The following PDE1C variants were observed in gnomAD, a reference collection of about 807,000 sequenced individuals.
PDE1C encodes the protein phosphodiesterase 1C, also known as dual specificity calcium/calmodulin-dependent 3',5'-cyclic nucleotide phosphodiesterase 1C.
In PDE1C, 62 loss-of-function variants were observed where a neutral mutation model predicts 93.1. That is an observed-to-expected ratio of 0.67 (90% CI 0.54 to 0.82). PDE1C has a LOEUF of 0.82. Among genes scored for constraint, PDE1C ranks in the 40% least tolerant of loss-of-function variants. PDE1C has a pLI of 0.00. For synonymous variants in PDE1C, 325 were observed against 310.1 expected, an observed-to-expected ratio of 1.05 and a Z score of -0.50; for missense variants, 742 against 884.6, an observed-to-expected ratio of 0.84 and a Z score of 2.04.
At chr7:31,681,639 T>G in the PDE1C span, among the ~76,000 whole-genome samples, 146 of 152,266 alleles carry the variant, frequency 9.6e-4, 1 homozygote, top group African/African-American at 3.4e-3. Flanking sequence ...TATGAGCTCT[T>G]AAAAGATCCA....
chr7:31,787,464 G>A (rs1784120750), intron 16 of PDE1C: 1 of 152,160 alleles, frequency 6.6e-6, no homozygotes, highest in African/African-American at 2.4e-5. Context: ...CGATAAGAAT[G>A]GGTCATTATG....
chr7:32,233,795 T>C (rs1448386818), intron 1 of PDE1C, among the ~76,000 whole-genome samples: 1 of 152,086 alleles, frequency 6.6e-6, no homozygotes, highest in African/African-American at 2.4e-5. Context: ...ATTAGCAAGA[T>C]GTAGAACTCA....
chr7:31,894,294 T>C (rs1799001828), intron 2 of PDE1C, among the ~76,000 whole-genome samples: 1 of 152,138 alleles, frequency 6.6e-6, no homozygotes, highest in Admixed American at 6.5e-5. Flanking sequence ...TGCTCTGGGG[T>C]CACAGGAGAG....
chr7:32,190,246 A>G (rs1804144920), intron 2 of PDE1C, among the ~76,000 whole-genome samples: 1 of 152,220 alleles, frequency 6.6e-6, no homozygotes, highest in Non-Finnish European at 1.5e-5. Context: ...GGAGTTGTTC[A>G]TAGCTTAGTC....
At chr7:32,184,187 T>G (rs1241449009) in intron 2 of PDE1C, among the ~76,000 whole-genome samples, 1 of 152,188 alleles carries the variant, frequency 6.6e-6, no homozygotes, top group Non-Finnish European at 1.5e-5. Flanking sequence ...GGAACACTTT[T>G]ACACTGTTGG....
chr7:31,767,063 T>C (rs997633974), intron 17 of PDE1C, among the ~76,000 whole-genome samples: 3 of 152,254 alleles, frequency 2.0e-5, no homozygotes, highest in African/African-American at 7.2e-5. Flanking sequence ...TCTCTATATT[T>C]TAAAAGCAAG....
the PDE1C span, among the ~76,000 whole-genome samples, chr7:31,632,889 CATTT>C: frequency 6.6e-6 from 1 of 151,484 alleles, no homozygotes; most frequent in Non-Finnish European, 1.5e-5. Flanking sequence ...TTTATTCATT[CATTT>C]ATTTATTTAT....
At chr7:31,886,202 C>T (rs919011384) in intron 2 of PDE1C, among the ~76,000 whole-genome samples, 7 of 152,210 alleles carry the variant, frequency 4.6e-5, no homozygotes, top group African/African-American at 1.2e-4. Context: ...TGTATTCGAA[C>T]AGCATACTCA....
chr7:31,814,472 T>C (rs1035238229), intron 15 of PDE1C, among the ~76,000 whole-genome samples: 8 of 152,110 alleles, frequency 5.3e-5, no homozygotes, highest in African/African-American at 1.9e-4. Flanking sequence ...TGGAATATGA[T>C]ATAAGCTATC....
chr7:32,374,483 A>G (rs1044391677), intron 1 of PDE1C, among the ~76,000 whole-genome samples: 9 of 152,248 alleles, frequency 5.9e-5, no homozygotes, highest in African/African-American at 2.2e-4. Flanking sequence ...AAGAAGTTCA[A>G]CTACTCTGAG....
At chr7:32,121,035 A>G (rs759991758) in intron 3 of PDE1C, among the ~76,000 whole-genome samples, 1 of 152,220 alleles carries the variant, frequency 6.6e-6, no homozygotes. Flanking sequence ...GAAGAACATA[A>G]GTGACTTGAT....
intron 2 of PDE1C, among the ~76,000 whole-genome samples, chr7:31,978,072 G>A (rs1407809943): frequency 6.6e-6 from 1 of 152,148 alleles, no homozygotes; most frequent in African/African-American, 2.4e-5. Flanking sequence ...CATTCGCAGA[G>A]CCAGGGTTCA....
At chr7:32,225,762 A>G (rs543526581) in intron 1 of PDE1C, among the ~76,000 whole-genome samples, 1 of 152,296 alleles carries the variant, frequency 6.6e-6, no homozygotes, top group South Asian at 2.1e-4. Context: ...AAGCTGTGTT[A>G]TGAAAGTTGC....
intron 3 of PDE1C, among the ~76,000 whole-genome samples, chr7:32,130,948 T>G (rs1390366383): frequency 6.6e-6 from 1 of 152,110 alleles, no homozygotes; most frequent in Non-Finnish European, 1.5e-5. Context: ...TACTAACTTT[T>G]ACTGGGCATT....
At chr7:32,236,120 T>C (rs1213570564) in intron 1 of PDE1C, among the ~76,000 whole-genome samples, 2 of 152,212 alleles carry the variant, frequency 1.3e-5, no homozygotes, top group Admixed American at 6.5e-5. Flanking sequence ...CTAGACCTCA[T>C]ACATTATAAA....
chr7:31,630,129 A>G, the PDE1C span, among the ~76,000 whole-genome samples: 1 of 151,148 alleles, frequency 6.6e-6, no homozygotes, highest in South Asian at 2.1e-4. Flanking sequence ...GGTGTTTGAA[A>G]TATGTTTGAA....
chr7:31,707,348 A>C, the PDE1C span: 1 of 1,358,772 alleles, frequency 7.4e-7, no homozygotes, highest in Non-Finnish European at 1.0e-6. Context: ...CCTAGAGAAA[A>C]AATAGACTTG....
intron 2 of PDE1C, among the ~76,000 whole-genome samples, chr7:31,959,053 C>T (rs1027790602): frequency 5.3e-5 from 8 of 152,208 alleles, no homozygotes; most frequent in African/African-American, 1.9e-4. Context: ...GTCCCCAAAG[C>T]CTAATCAAAG....
the PDE1C span, chr7:31,642,811 G>A: frequency 1.2e-6 from 2 of 1,613,836 alleles, no homozygotes; most frequent in Non-Finnish European, 1.7e-6. Context: ...CAAAAGTAGG[G>A]CGAGCATGTC....
Sources: gnomAD v4.1 joint callset for allele counts (sites outside exome capture counted in the v4.1 genomes callset) on GRCh38, gnomAD v4.1.1 for gene constraint, MANE v1.5 for transcripts, NCBI Gene and HGNC (gene_info 2026-07-23, HGNC 2026-07-21) for gene names.